Variants in SETD5 observed in about 807,000 individuals in gnomAD.
SETD5 encodes the protein histone-lysine N-methyltransferase SETD5.
In SETD5, 44 loss-of-function variants were observed where a neutral mutation model predicts 153.3. That is an observed-to-expected ratio of 0.29 (90% CI 0.23 to 0.37). SETD5 has a LOEUF of 0.37. Among genes scored for constraint, SETD5 ranks in the 10% least tolerant of loss-of-function variants. The probability of loss-of-function intolerance (pLI) is 1.00; values close to 1 mark genes in which losing one functional copy is unlikely to be tolerated. For missense variants in SETD5, 1,544 were observed against 1,768.0 expected, an observed-to-expected ratio of 0.87 and a Z score of 2.27; for synonymous variants, 716 against 645.2, an observed-to-expected ratio of 1.11 and a Z score of -1.66.
intron 1 of SETD5, among the ~76,000 whole-genome samples, chr3:9,410,646 G>A (rs1358390652): frequency 1.3e-5 from 2 of 152,136 alleles, no homozygotes; most frequent in Non-Finnish European, 2.9e-5. Context: ...ACTCAACAGA[G>A]TCATCATGAA....
At position 9,401,319 on chromosome 3, in the gene SETD5, CTG is replaced by C. The variant is rs1192694834; in HGVS notation, c.-177+3345_-177+3346del. Among the ~76,000 whole-genome samples the C allele has an allele frequency of 4.6e-5, 7 of 152,334 alleles. No homozygotes were observed. In the East Asian group the frequency reaches 1.2e-3, roughly 25 times the overall value. ...ATAAAAATGTTTGTAGTTTTTTACT[CTG>C]TGGCTTAAGTTGCTATATAAAATAA... On this transcript the variant is annotated intron_variant, in intron 1 of 22. Coordinates refer to ENST00000402198, the MANE Select transcript of SETD5 (RefSeq NM_001080517.3).
At position 9,447,214 on chromosome 3, in the gene SETD5, T is replaced by A. The variant is rs1559433312; in HGVS notation, c.1689T>A (p.Pro563=). ...GTGAAGAGACAAAAACTGAAGCCCC[T>A]GAATCTGAAGTTAGCAACTCTGTTT... ...PVGEETKTEA[P]ESEVSNSVSN... The change falls in exon 14 of 23, where the codon CCT becomes CCA. Residue 563 remains proline (P), a synonymous_variant. Coordinates refer to ENST00000402198, the MANE Select transcript of SETD5 (RefSeq NM_001080517.3). 6.2e-7 allele frequency: 1 copy of A among 1,614,014 alleles called. No homozygotes were observed. The highest frequency in any genetic ancestry group is 8.5e-7 in the Non-Finnish European group (1 of 1,179,886).
intron 1 of SETD5, among the ~76,000 whole-genome samples, chr3:9,412,340 C>A (rs1427903428): frequency 6.7e-6 from 1 of 150,344 alleles, no homozygotes; most frequent in East Asian, 1.9e-4. Flanking sequence ...TTCCCTTTTC[C>A]CCCACCACCA....
chr3:9,451,608 G>T (rs544708328), intron 16 of SETD5, among the ~76,000 whole-genome samples: 23 of 152,188 alleles, frequency 1.5e-4, no homozygotes, highest in Non-Finnish European at 2.2e-4. Context: ...ACCACGCCTG[G>T]CTAATATTCA....
At chr3:9,460,513 G>T (rs945462054) in intron 17 of SETD5, among the ~76,000 whole-genome samples, 8 of 151,450 alleles carry the variant, frequency 5.3e-5, no homozygotes, top group African/African-American at 1.7e-4. Flanking sequence ...AAATATTTTG[G>T]AGAACTAGAA....
At chr3:9,427,816 A>G (rs920067394) in intron 2 of SETD5, among the ~76,000 whole-genome samples, 9 of 152,298 alleles carry the variant, frequency 5.9e-5, no homozygotes, top group Non-Finnish European at 1.0e-4. Context: ...TAAAACTACT[A>G]ATGTAAAGTC....
At chr3:9,452,843 A>AG (rs2042785967) in intron 16 of SETD5, among the ~76,000 whole-genome samples, 1 of 151,962 alleles carries the variant, frequency 6.6e-6, no homozygotes, top group African/African-American at 2.4e-5. Flanking sequence ...GGAGGGTCTT[A>AG]CTCAGAAATT....
At chr3:9,411,230 G>C (rs943781891) in intron 1 of SETD5, among the ~76,000 whole-genome samples, 16 of 152,116 alleles carry the variant, frequency 1.1e-4, no homozygotes, top group African/African-American at 3.9e-4. Context: ...TTGAAGTGTA[G>C]AGAGCTCATC....
At chr3:9,452,997 T>A (rs2042807795) in intron 16 of SETD5, among the ~76,000 whole-genome samples, 1 of 152,202 alleles carries the variant, frequency 6.6e-6, no homozygotes, top group Admixed American at 6.5e-5. Flanking sequence ...CTTATTATCC[T>A]AATCTTTGCA....
chr3:9,431,109 T>C (rs1359365518), intron 3 of SETD5: 1 of 985,342 alleles, frequency 1.0e-6, no homozygotes, highest in Non-Finnish European at 1.2e-6. Flanking sequence ...AGATGTAGAC[T>C]TCACTTCATA....
chr3:9,458,354 A>T (rs1335341059), intron 17 of SETD5, among the ~76,000 whole-genome samples: 2 of 152,176 alleles, frequency 1.3e-5, no homozygotes, highest in African/African-American at 4.8e-5. Context: ...GGTGACTCTC[A>T]CCTGCAATTT....
intron 11 of SETD5, among the ~76,000 whole-genome samples, chr3:9,443,980 C>T (rs903909918): frequency 2.0e-5 from 3 of 152,236 alleles, no homozygotes; most frequent in Middle Eastern, 3.4e-3. Flanking sequence ...GAGAATCACT[C>T]GAACCTGAGA....
At chr3:9,404,180 A>G (rs1473712070) in intron 1 of SETD5, among the ~76,000 whole-genome samples, 3 of 152,230 alleles carry the variant, frequency 2.0e-5, no homozygotes, top group African/African-American at 7.2e-5. Flanking sequence ...TACTGCATGC[A>G]ACAATAAAGG....
At chr3:9,454,536 C>T (rs565094806) in intron 17 of SETD5, among the ~76,000 whole-genome samples, 1 of 137,508 alleles carries the variant, frequency 7.3e-6, no homozygotes, top group African/African-American at 2.7e-5. Context: ...AGTGGAGAAT[C>T]ACTTGAACCC....
In SETD5 at chr3:9,470,908, G is replaced by T. The variant is rs759285961; in HGVS notation, c.3174G>T (p.Gln1058His). Residue 1058 changes from glutamine (Q) to histidine (H), a missense_variant, in exon 19 of 23, where the codon CAG (glutamine) becomes CAT (histidine). Around this residue, in one of 9 missense-constraint regions of SETD5, gnomAD observed 782 missense variants for 787.2 expected, o/e 0.99. Transcript: ENST00000402198. ...GTGAAGGAGTCCCATCTGCCCCCCA[G>T]AACCCACCACAGAGGAAAAAAGTAA... ...RACEGVPSAPQNPPQRKKVSL... is the reference protein window; with the variant it reads ...RACEGVPSAPHNPPQRKKVSL... 14 of 1,594,868 alleles carry T rather than the reference G, an allele frequency of 8.8e-6. No homozygotes were observed. In the South Asian group the frequency reaches 1.6e-4, roughly 18 times the overall value.
chr3:9,418,745 G>A (rs2037927749), intron 1 of SETD5, among the ~76,000 whole-genome samples: 1 of 151,638 alleles, frequency 6.6e-6, no homozygotes, highest in African/African-American at 2.4e-5. Context: ...GGAGGTTGCA[G>A]TGAGCTGAGA....
chr3:9,401,065 C>T (rs1210135813), intron 1 of SETD5, among the ~76,000 whole-genome samples: 1 of 152,192 alleles, frequency 6.6e-6, no homozygotes, highest in African/African-American at 2.4e-5. Flanking sequence ...TTTGTAGTAT[C>T]ACTCTGGCAT....
chr3:9,469,396 GTC>G, intron 18 of SETD5, among the ~76,000 whole-genome samples: 1 of 152,268 alleles, frequency 6.6e-6, no homozygotes, highest in Non-Finnish European at 1.5e-5. Flanking sequence ...GAAAGTTAGA[GTC>G]TCTCAGAAAT....
In SETD5 at chr3:9,475,875, C is replaced by T. The variant is rs1413304242; in HGVS notation, c.4113C>T (p.Ser1371=). The T allele has an allele frequency of 6.8e-6, 11 of 1,614,040 alleles. No homozygotes were observed. The highest frequency in any genetic ancestry group is 1.1e-5 in the South Asian group (1 of 91,088). Residue 1371 remains serine (S), a synonymous_variant, in exon 23 of 23, where the codon TCC becomes TCT. Transcript: ENST00000402198. ...VSQSSTGTLS[S]TSFPQNSRSS... ...AGTCCAGCACAGGAACTCTGAGTTC[C>T]ACCTCCTTTCCTCAGAACTCTAGGT... is the stretch of plus-strand genomic sequence containing the variant.
Sources: gnomAD v4.1 joint callset for allele counts (sites outside exome capture counted in the v4.1 genomes callset) on GRCh38, gnomAD v4.1.1 for gene constraint, gnomAD v4.1.1 regional missense constraint, MANE v1.5 for transcripts, NCBI Gene and HGNC (gene_info 2026-07-23, HGNC 2026-07-21) for gene names.